The following AGBL4 variants were observed in gnomAD, a reference collection of about 807,000 sequenced individuals.
The protein encoded by AGBL4 is cytosolic carboxypeptidase 6.
Under a neutral mutation model 66.4 loss-of-function variants are expected in AGBL4, and 58 were observed. The observed-to-expected ratio is 0.87, with a 90% CI of 0.71 to 1.09. AGBL4 has a LOEUF of 1.09. Among genes scored for constraint, AGBL4 ranks in the 50% least tolerant of loss-of-function variants. The pLI, the probability that AGBL4 is intolerant of heterozygous loss-of-function variation, is 0.00. For missense variants in AGBL4, 579 were observed against 631.0 expected (o/e 0.92, Z 0.88); for synonymous variants, 234 against 222.9 (o/e 1.05, Z -0.44).
intron 3 of AGBL4, among the ~76,000 whole-genome samples, chr1:49,438,869 A>G (rs944018248): frequency 3.9e-5 from 6 of 152,242 alleles, no homozygotes; most frequent in Non-Finnish European, 8.8e-5. Flanking sequence ...CTGGAGACGC[A>G]GAAGTCCAAT....
chr1:49,598,679 T>C (rs1237276730), intron 3 of AGBL4, among the ~76,000 whole-genome samples: 1 of 152,088 alleles, frequency 6.6e-6, no homozygotes, highest in Admixed American at 6.6e-5. Context: ...AGGGACCCAC[T>C]TGAGGAGGCA....
intron 3 of AGBL4, among the ~76,000 whole-genome samples, chr1:49,552,551 TCTC>T (rs750713977): frequency 1.1e-4 from 16 of 152,300 alleles, no homozygotes; most frequent in Admixed American, 8.5e-4. Flanking sequence ...GTCGGAAACT[TCTC>T]CTGCAAACAG....
intron 3 of AGBL4, among the ~76,000 whole-genome samples, chr1:49,317,684 A>C (rs1268317294): frequency 6.6e-6 from 1 of 151,914 alleles, no homozygotes; most frequent in Non-Finnish European, 1.5e-5. Flanking sequence ...ATCCAAGCAG[A>C]CATGAAAGAG....
In AGBL4 at chr1:48,768,594, A is replaced by G. The variant is rs552663491; in HGVS notation, c.634+98597T>C. ...TCTGTATTCAAAAGTGAATTTACCC[A>G]TGAAGAATTTACAGTATTATTAAAA... is the stretch of plus-strand genomic sequence containing the variant. On this transcript the variant is annotated intron_variant, in intron 6 of 13. Transcript: ENST00000371839. 3.3e-4 allele frequency among the ~76,000 whole-genome samples: 51 copies of G among 152,314 alleles called. No individual in the cohort carries two copies. The South Asian group carries it at 9.7e-3, about 29-fold the overall frequency.
At chr1:48,671,563 T>C (rs403069) in intron 6 of AGBL4, among the ~76,000 whole-genome samples, 83,282 of 152,080 alleles carry the variant, frequency 0.55, 23,164 homozygotes, top group Middle Eastern at 0.66. Flanking sequence ...AAAATCAGGA[T>C]AATAATAGTA....
chr1:48,897,135 C>T (rs906356319), intron 5 of AGBL4, among the ~76,000 whole-genome samples: 6 of 152,118 alleles, frequency 3.9e-5, no homozygotes, highest in Admixed American at 6.5e-5. Context: ...CCTTCATCCC[C>T]TACTCCATCC....
rs1436753066 is a variant in AGBL4 at position 49,305,500 on chromosome 1, TA to T, written c.283-59637del. ...GTTTGGTTGCTGATGTGAACCTGCC[TA>T]TGAAGGGACAACTGTATTTGTTGAA... On this transcript the variant is annotated intron_variant, in intron 3 of 13. Coordinates refer to ENST00000371839, the MANE Select transcript of AGBL4 (RefSeq NM_032785.4). 2.6e-5 allele frequency among the ~76,000 whole-genome samples: 4 copies of T among 152,264 alleles called. No homozygotes were observed. The East Asian group carries it at 5.8e-4, about 22-fold the overall frequency.
chr1:48,941,730 G>A (rs575746168), intron 5 of AGBL4, among the ~76,000 whole-genome samples: 1 of 152,270 alleles, frequency 6.6e-6, no homozygotes, highest in South Asian at 2.1e-4. Flanking sequence ...GTTTTTTCAT[G>A]TTATCTCATT....
At chr1:49,633,695 G>A (rs1051579409) in intron 3 of AGBL4, among the ~76,000 whole-genome samples, 3 of 151,520 alleles carry the variant, frequency 2.0e-5, no homozygotes, top group African/African-American at 7.3e-5. Flanking sequence ...CAGATAAAAT[G>A]TTGCCTTTTA....
intron 1 of AGBL4, among the ~76,000 whole-genome samples, chr1:49,978,552 T>A (rs2148379068): frequency 6.6e-6 from 1 of 152,324 alleles, no homozygotes; most frequent in African/African-American, 2.4e-5. Flanking sequence ...TTACAGTAGT[T>A]ATAGTATATC....
intron 2 of AGBL4, among the ~76,000 whole-genome samples, chr1:49,776,422 T>C (rs1644198728): frequency 6.6e-6 from 1 of 152,106 alleles, no homozygotes; most frequent in Non-Finnish European, 1.5e-5. Flanking sequence ...ATTTCCTTCT[T>C]AAGATAAAAT....
intron 4 of AGBL4, among the ~76,000 whole-genome samples, chr1:49,059,273 G>A (rs1644360109): frequency 6.6e-6 from 1 of 152,208 alleles, no homozygotes. Context: ...ATGGCTAAAT[G>A]GGGCCAAAGT....
intron 3 of AGBL4, among the ~76,000 whole-genome samples, chr1:49,326,714 C>T (rs934490774): frequency 1.3e-5 from 2 of 152,026 alleles, no homozygotes; most frequent in Non-Finnish European, 2.9e-5. Flanking sequence ...AGGCAGGGTT[C>T]AGTTAGATGA....
intron 2 of AGBL4, among the ~76,000 whole-genome samples, chr1:49,798,947 A>C (rs1434339500): frequency 4.6e-5 from 7 of 152,188 alleles, no homozygotes; most frequent in African/African-American, 1.7e-4. Context: ...CTTTTATTTA[A>C]TAGCTAAGAA....
chr1:49,990,794 T>C (rs1248796557), intron 1 of AGBL4, among the ~76,000 whole-genome samples: 1 of 152,168 alleles, frequency 6.6e-6, no homozygotes, highest in Admixed American at 6.5e-5. Flanking sequence ...TACCTCTGAA[T>C]AGGTTTGTAA....
chr1:49,602,217 G>A (rs1330074221), intron 3 of AGBL4, among the ~76,000 whole-genome samples: 1 of 152,200 alleles, frequency 6.6e-6, no homozygotes, highest in Non-Finnish European at 1.5e-5. Flanking sequence ...AGGATGTGGA[G>A]AAACAGGAAT....
intron 2 of AGBL4, among the ~76,000 whole-genome samples, chr1:49,697,689 A>G (rs11205639): frequency 0.61 from 92,604 of 151,980 alleles, 28,886 homozygotes; most frequent in Non-Finnish European, 0.67. Context: ...TGCTACAAGT[A>G]TCTTTGACAG....
chr1:48,570,087 G>A (rs1422285938), intron 11 of AGBL4, among the ~76,000 whole-genome samples: 1 of 152,210 alleles, frequency 6.6e-6, no homozygotes, highest in African/African-American at 2.4e-5. Context: ...TGACCATAAA[G>A]TTTGACATTT....
intron 1 of AGBL4, among the ~76,000 whole-genome samples, chr1:49,961,195 T>C (rs549313973): frequency 1.3e-5 from 2 of 152,196 alleles, no homozygotes; most frequent in South Asian, 4.2e-4. Flanking sequence ...AGTTTTAGCC[T>C]TCTTTGTACA....
Sources: gnomAD v4.1 joint callset for allele counts (sites outside exome capture counted in the v4.1 genomes callset) on GRCh38, gnomAD v4.1.1 for gene constraint, MANE v1.5 for transcripts, NCBI Gene and HGNC (gene_info 2026-07-23, HGNC 2026-07-21) for gene names.